SGIP1: variants seen among roughly 807,000 people sequenced by gnomAD.
SGIP1 encodes the protein SH3GL interacting endocytic adaptor 1, also known as SH3-containing GRB2-like protein 3-interacting protein 1.
Under a neutral mutation model 107.5 loss-of-function variants are expected in SGIP1, and 38 were observed. The ratio of observed to expected loss-of-function variants is 0.35; its 90% confidence interval spans 0.27 to 0.46. The LOEUF is 0.46. Among genes scored for constraint, SGIP1 ranks in the 20% least tolerant of loss-of-function variants. The pLI is 1.00. For missense variants in SGIP1, 929 were observed against 1,019.5 expected, an observed-to-expected ratio of 0.91 and a Z score of 1.21; for synonymous variants, 365 against 366.1, an observed-to-expected ratio of 1.00 and a Z score of 0.03.
At chr1:66,692,334 C>T (rs966200374) in intron 17 of SGIP1, among the ~76,000 whole-genome samples, 2 of 152,042 alleles carry the variant, frequency 1.3e-5, no homozygotes, top group Non-Finnish European at 2.9e-5. Context: ...AAAATAGCCA[C>T]ATAAGAGGAT....
chr1:66,730,172 C>T lies in SGIP1; in HGVS notation c.1898+753C>T, dbSNP rs1012479292. ...ATATGCATAATAAAGACATCAAATT[C>T]AGGTTTAATAGTTAATACAATTTCA... On this transcript the variant is annotated intron_variant, in intron 20 of 24. Coordinates refer to ENST00000371037, the MANE Select transcript of SGIP1 (RefSeq NM_032291.4). Among the ~76,000 whole-genome samples the T allele has an allele frequency of 2.2e-4, 34 of 152,056 alleles. 1 individual carries two copies. Among genetic ancestry groups the T allele is most frequent in the Admixed American group, 2.2e-3 (34 of 15,276 alleles).
At position 66,682,068 on chromosome 1, in the gene SGIP1, T is replaced by C; in HGVS notation, c.1014T>C (p.Ala338=). Residue 338 remains alanine, a synonymous_variant, in exon 15 of 25, where the codon GCT becomes GCC. Coordinates refer to ENST00000371037, the MANE Select transcript of SGIP1 (RefSeq NM_032291.4). ...TPREKVVSPP[A]TPDNPADSPA... is the part of the protein sequence containing the mutation. Reference sequence around the variant, plus strand: ...GGGAAAAAGTGGTGTCCCCACCAGCTACACCAGACAACCCAGCTGACTCCC... The same window carrying C: ...GGGAAAAAGTGGTGTCCCCACCAGCCACACCAGACAACCCAGCTGACTCCC... 6.2e-7 allele frequency: 1 copy of C among 1,614,158 alleles called. No homozygotes were observed. Among genetic ancestry groups the C allele is most frequent in the Non-Finnish European group, 8.5e-7 (1 of 1,180,016 alleles).
At chr1:66,649,555 A>G (rs2078321745) in intron 7 of SGIP1, among the ~76,000 whole-genome samples, 1 of 152,196 alleles carries the variant, frequency 6.6e-6, no homozygotes, top group Non-Finnish European at 1.5e-5. Flanking sequence ...TGCAACACGA[A>G]CAGTTCTGTG....
Position 66,745,622 on chromosome 1 carries a change from A to G in SGIP1, c.*2527A>G, listed in dbSNP as rs1460530184. ...CATTTATTCATTTTATTCCCAAGTCAGAACAAAATGAACTAGTAGGTAATA... is the reference window on the plus strand; with the variant it reads ...CATTTATTCATTTTATTCCCAAGTCGGAACAAAATGAACTAGTAGGTAATA... On this transcript the variant is annotated 3_prime_UTR_variant, in exon 25 of 25. Coordinates refer to ENST00000371037, the MANE Select transcript of SGIP1 (RefSeq NM_032291.4). The G allele has an allele frequency of 6.6e-6, 1 of 152,118 alleles. No individual in the cohort carries two copies. The highest frequency in any genetic ancestry group is 1.9e-4 in the East Asian group (1 of 5,200). The allele number at this position is 152,118 out of a possible 1,614,324, so 9.4% of individuals were successfully genotyped here. A position where few individuals can be genotyped will look rare whatever the true frequency, so the allele number is the denominator to read the frequency against.
chr1:66,732,327 T>C (rs905117003), intron 20 of SGIP1, among the ~76,000 whole-genome samples: 9 of 152,130 alleles, frequency 5.9e-5, no homozygotes, highest in Admixed American at 5.2e-4. Flanking sequence ...TACTCTTACC[T>C]CCTGCCTGCT....
At chr1:66,659,053 A>G (rs1014778) in intron 7 of SGIP1, among the ~76,000 whole-genome samples, 39,946 of 152,070 alleles carry the variant, frequency 0.26, 5,348 homozygotes, top group Admixed American at 0.28. Context: ...GACGATGAGG[A>G]TGGGAAGGGA....
intron 1 of SGIP1, among the ~76,000 whole-genome samples, chr1:66,611,654 A>G (rs2068026815): frequency 6.6e-6 from 1 of 152,238 alleles, no homozygotes; most frequent in Non-Finnish European, 1.5e-5. Flanking sequence ...CAAAGGTGAT[A>G]GCTTCATGCG....
chr1:66,671,712 C>G (rs974508974), intron 10 of SGIP1, among the ~76,000 whole-genome samples: 2 of 152,186 alleles, frequency 1.3e-5, no homozygotes, highest in African/African-American at 4.8e-5. Context: ...GATGGCTTGT[C>G]ACGGAAGTTC....
chr1:66,561,625 A>C (rs1343261678), intron 1 of SGIP1, among the ~76,000 whole-genome samples: 1 of 152,080 alleles, frequency 6.6e-6, no homozygotes, highest in East Asian at 1.9e-4. Flanking sequence ...CCTGCTTTAT[A>C]GAAGCTTGCT....
At chr1:66,727,664 CT>C (rs1372161918) in intron 19 of SGIP1, among the ~76,000 whole-genome samples, 4 of 152,156 alleles carry the variant, frequency 2.6e-5, no homozygotes, top group African/African-American at 9.7e-5. Context: ...TTTTTTAAAA[CT>C]GTGGTATACC....
At chr1:66,574,622 C>T (rs1218577614) in intron 1 of SGIP1, among the ~76,000 whole-genome samples, 1 of 152,140 alleles carries the variant, frequency 6.6e-6, no homozygotes, top group Non-Finnish European at 1.5e-5. Context: ...CCTTAATTCA[C>T]TGCCTTTGTC....
At position 66,686,586 on chromosome 1, in the gene SGIP1, T is replaced by A. The variant is rs571294811; in HGVS notation, c.1316-2562T>A. On this transcript the variant is annotated intron_variant, in intron 15 of 24. Transcript: ENST00000371037. ...TAACAATTGAATAATTTCACGAAAGTATGTGAAGCCTTTGTTCAGTTGTGA... is the reference window on the plus strand; with the variant it reads ...TAACAATTGAATAATTTCACGAAAGAATGTGAAGCCTTTGTTCAGTTGTGA... 7.2e-5 allele frequency among the ~76,000 whole-genome samples: 11 copies of A among 152,326 alleles called. No individual in the cohort carries two copies. In the East Asian group the frequency reaches 2.1e-3, roughly 29 times the overall value.
intron 4 of SGIP1, among the ~76,000 whole-genome samples, chr1:66,636,233 T>A (rs2075751118): frequency 6.6e-6 from 1 of 152,198 alleles, no homozygotes; most frequent in African/African-American, 2.4e-5. Flanking sequence ...TAAAGAGTGA[T>A]CACACATAAA....
chr1:66,544,406 C>A (rs1373325580), intron 1 of SGIP1, among the ~76,000 whole-genome samples: 1 of 152,142 alleles, frequency 6.6e-6, no homozygotes, highest in African/African-American at 2.4e-5. Context: ...AGAATACAGG[C>A]CGGGAGAGGT....
intron 1 of SGIP1, among the ~76,000 whole-genome samples, chr1:66,536,663 G>A (rs757241972): frequency 1.2e-4 from 18 of 152,092 alleles, no homozygotes; most frequent in South Asian, 2.1e-4. Context: ...CTCATAAAAG[G>A]CACCCCAAAT....
intron 15 of SGIP1, among the ~76,000 whole-genome samples, chr1:66,683,258 T>C (rs1571775135): frequency 6.6e-6 from 1 of 152,240 alleles, no homozygotes; most frequent in East Asian, 1.9e-4. Context: ...CCCCCAGCGC[T>C]TTCCTTCCTG....
rs371434710 is a variant in SGIP1 at position 66,565,025 on chromosome 1, C to T, written c.10+30657C>T. ...GTCTGGAGAGCTTAAGTGCCTGGCC[C>T]GAAGTCATACAATCTGGAAGGGGGC... On this transcript the variant is annotated intron_variant, in intron 1 of 24. Transcript: ENST00000371037. 3.5e-4 allele frequency among the ~76,000 whole-genome samples: 53 copies of T among 151,988 alleles called. 1 individual carries two copies. Among genetic ancestry groups the T allele is most frequent in the South Asian group, 2.7e-3 (13 of 4,820 alleles).
chr1:66,725,556 C>G (rs1413455594), intron 19 of SGIP1, among the ~76,000 whole-genome samples: 2 of 152,158 alleles, frequency 1.3e-5, no homozygotes, highest in African/African-American at 2.4e-5. Flanking sequence ...TTTACTGTGT[C>G]CCAAAGAAGA....
At chr1:66,645,797 T>G (rs566837274) in intron 7 of SGIP1, among the ~76,000 whole-genome samples, 1 of 152,304 alleles carries the variant, frequency 6.6e-6, no homozygotes, top group South Asian at 2.1e-4. Context: ...GCCCTCTCCT[T>G]GATAACCCGT....
Sources: gnomAD v4.1 joint callset for allele counts (sites outside exome capture counted in the v4.1 genomes callset) on GRCh38, gnomAD v4.1.1 for gene constraint, MANE v1.5 for transcripts, NCBI Gene and HGNC (gene_info 2026-07-23, HGNC 2026-07-21) for gene names.